The following NRXN3 variants were observed in gnomAD, a reference collection of about 807,000 sequenced individuals.
NRXN3 encodes neurexin III.
In NRXN3, 32 loss-of-function variants were observed where a neutral mutation model predicts 137.6. That is an observed-to-expected ratio of 0.23 (90% CI 0.18 to 0.31). The LOEUF is 0.31. Ranked by LOEUF, NRXN3 falls within the 10% of genes least tolerant of loss-of-function variation. NRXN3 has a pLI of 1.00. For synonymous variants in NRXN3, 798 were observed against 784.5 expected (o/e 1.02, Z -0.29); for missense variants, 1,574 against 2,062.5 (o/e 0.76, Z 4.59).
chr14:78,606,048 G>A (rs939684836), intron 4 of NRXN3, among the ~76,000 whole-genome samples: 1 of 152,082 alleles, frequency 6.6e-6, no homozygotes, highest in African/African-American at 2.4e-5. Context: ...AGGAGGTGGA[G>A]ACTAAGAAGA....
At chr14:79,119,097 C>T (rs1299030188) in intron 15 of NRXN3, among the ~76,000 whole-genome samples, 3 of 152,154 alleles carry the variant, frequency 2.0e-5, no homozygotes, top group African/African-American at 7.2e-5. Flanking sequence ...AATTCCTCTT[C>T]AAAATTTAAA....
chr14:78,882,389 C>T (rs1228311121), intron 10 of NRXN3, among the ~76,000 whole-genome samples: 2 of 151,866 alleles, frequency 1.3e-5, no homozygotes, highest in East Asian at 3.9e-4. Flanking sequence ...CAACAGCAGC[C>T]ATGAAAGCAG....
intron 10 of NRXN3, among the ~76,000 whole-genome samples, chr14:78,916,446 T>C (rs991261606): frequency 5.3e-5 from 8 of 152,186 alleles, no homozygotes; most frequent in African/African-American, 1.4e-4. Flanking sequence ...GTGAGGACTT[T>C]GGGCTGAGTC....
At chr14:78,369,411 G>A (rs945159845) in intron 4 of NRXN3, among the ~76,000 whole-genome samples, 22 of 152,084 alleles carry the variant, frequency 1.4e-4, no homozygotes, top group South Asian at 4.2e-4. Flanking sequence ...CAAGTGCCTC[G>A]TGTCCAATTG....
At chr14:79,129,114 C>A (rs904152557) in intron 15 of NRXN3, among the ~76,000 whole-genome samples, 2 of 151,830 alleles carry the variant, frequency 1.3e-5, no homozygotes, top group Non-Finnish European at 2.9e-5. Context: ...TTTGTTGATC[C>A]TTTCAAAAAA....
chr14:79,722,761 T>C (rs1329592473), intron 19 of NRXN3, among the ~76,000 whole-genome samples: 2 of 152,196 alleles, frequency 1.3e-5, no homozygotes, highest in African/African-American at 2.4e-5. Flanking sequence ...AGGATTCATT[T>C]GGGCAGATAC....
intron 15 of NRXN3, among the ~76,000 whole-genome samples, chr14:79,332,270 C>T (rs1420061445): frequency 4.6e-5 from 7 of 152,200 alleles, no homozygotes; most frequent in Non-Finnish European, 5.9e-5. Flanking sequence ...TAATGAAAGG[C>T]TTCTAACTGG....
chr14:79,280,106 T>C (rs544111137), intron 15 of NRXN3: 207 of 1,404,974 alleles, frequency 1.5e-4, no homozygotes, highest in South Asian at 6.6e-4. Context: ...TATCTTTTTT[T>C]TTTCTTTCTT....
intron 4 of NRXN3, among the ~76,000 whole-genome samples, chr14:78,639,794 C>T (rs545158429): frequency 5.9e-5 from 9 of 152,124 alleles, no homozygotes; most frequent in South Asian, 4.2e-4. Flanking sequence ...AATGGCACTC[C>T]GTAGTACCTT....
intron 4 of NRXN3, among the ~76,000 whole-genome samples, chr14:78,575,410 T>C (rs1240497171): frequency 6.6e-6 from 1 of 152,212 alleles, no homozygotes. Context: ...TGAAAAAGTC[T>C]ATTTGTAGGT....
At chr14:79,531,961 C>G (rs1275131293) in intron 16 of NRXN3, among the ~76,000 whole-genome samples, 2 of 152,206 alleles carry the variant, frequency 1.3e-5, no homozygotes, top group Admixed American at 6.5e-5. Context: ...ATGTGTCCCT[C>G]TATATCCTTC....
intron 8 of NRXN3, among the ~76,000 whole-genome samples, chr14:78,792,091 G>T (rs866120419): frequency 6.6e-6 from 1 of 150,946 alleles, no homozygotes; most frequent in African/African-American, 2.4e-5. Context: ...CAAATAATTC[G>T]ATCTAGAGAA....
chr14:78,631,488 A>G (rs1035729804), intron 4 of NRXN3, among the ~76,000 whole-genome samples: 1 of 152,218 alleles, frequency 6.6e-6, no homozygotes, highest in African/African-American at 2.4e-5. Flanking sequence ...TTGATAAATC[A>G]TATCCGGTAT....
At chr14:79,828,131 C>T (rs1016198719) in intron 20 of NRXN3, among the ~76,000 whole-genome samples, 1 of 152,144 alleles carries the variant, frequency 6.6e-6, no homozygotes, top group African/African-American at 2.4e-5. Context: ...ACAAGAGATT[C>T]AGGCAGAGAC....
chr14:79,112,644 A>G (rs962902514), intron 15 of NRXN3, among the ~76,000 whole-genome samples: 3 of 152,256 alleles, frequency 2.0e-5, no homozygotes. Context: ...CTGGGATTTT[A>G]CAAAATTTAA....
In NRXN3 at chr14:78,341,261, C is replaced by A. The variant is rs1273866860; in HGVS notation, c.757+43401C>A. ...AAAAGCCTCCTAGGGCAATGCTTTT[C>A]AGACTCTCATGTGTGCAGGAATCAC... On this transcript the variant is annotated intron_variant, in intron 4 of 20. Transcript: ENST00000335750. Among the ~76,000 whole-genome samples the A allele has an allele frequency of 2.0e-5, 3 of 152,260 alleles. No individual in the cohort carries two copies. The East Asian group carries it at 5.8e-4, about 29-fold the overall frequency.
intron 3 of NRXN3, among the ~76,000 whole-genome samples, chr14:78,287,059 C>A (rs181764832): frequency 6.6e-6 from 1 of 152,164 alleles, no homozygotes. Context: ...TGAATGAGAT[C>A]CAGGCTCACT....
At chr14:79,241,600 G>A (rs1347300030) in intron 15 of NRXN3, among the ~76,000 whole-genome samples, 3 of 152,112 alleles carry the variant, frequency 2.0e-5, no homozygotes, top group Non-Finnish European at 2.9e-5. Context: ...CCCTTCACAT[G>A]TGGGTATTAT....
At chr14:79,678,729 T>C (rs2098653914) in intron 17 of NRXN3, among the ~76,000 whole-genome samples, 1 of 152,180 alleles carries the variant, frequency 6.6e-6, no homozygotes, top group Non-Finnish European at 1.5e-5. Flanking sequence ...CTTACTAATG[T>C]TGTAAGTGCT....
Sources: allele counts gnomAD v4.1 joint callset (sites outside exome capture counted in the v4.1 genomes callset), GRCh38; gene constraint gnomAD v4.1.1; transcripts MANE v1.5; gene names NCBI Gene and HGNC (gene_info 2026-07-23, HGNC 2026-07-21).